Variants in MYPN observed in about 807,000 individuals in gnomAD.
MYPN encodes sarcomeric protein myopalladin, 145 kDa (MYOP).
MYPN carries 63 observed loss-of-function variants against 129.4 expected under a neutral mutation model. The observed-to-expected ratio is 0.49, with a 90% CI of 0.40 to 0.60. The LOEUF is 0.60. MYPN is among the 20% of genes least tolerant of loss of function. MYPN has a pLI of 0.00. For synonymous variants in MYPN, 629 were observed against 600.9 expected (o/e 1.05, Z -0.68); for missense variants, 1,596 against 1,635.4 (o/e 0.98, Z 0.42).
chr10:68,199,528 C>T lies in MYPN; in HGVS notation c.3446C>T (p.Thr1149Ile). 1 of 1,614,142 alleles carries T rather than the reference C, an allele frequency of 6.2e-7. No homozygotes were observed. Among genetic ancestry groups the T allele is most frequent in the Non-Finnish European group, 8.5e-7 (1 of 1,180,024 alleles). Reference protein sequence around the residue: ...RDAGTYKCIATNKTGQNSFSL... With the variant: ...RDAGTYKCIAINKTGQNSFSL... ...GCAGGGACCTATAAGTGCATCGCTA[C>T]CAACAAAACCGGGCAGAATTCTTTT... The change falls in exon 17 of 20, where the codon ACC becomes ATC. Residue 1149 changes from threonine to isoleucine, a missense_variant. Transcript: ENST00000358913.
intron 16 of MYPN, among the ~76,000 whole-genome samples, chr10:68,197,787 G>A (rs1003224850): frequency 3.9e-5 from 6 of 152,058 alleles, no homozygotes; most frequent in Non-Finnish European, 8.8e-5. Context: ...TGAGGGGCCC[G>A]CGTTCCAAGC....
intron 2 of MYPN, among the ~76,000 whole-genome samples, chr10:68,128,481 G>GA (rs1379198862): frequency 1.3e-5 from 2 of 151,906 alleles, no homozygotes; most frequent in Admixed American, 6.6e-5. Context: ...CTACTTTTTG[G>GA]AAAAATCTAG....
chr10:68,174,610 A>G lies in MYPN; in HGVS notation c.2518A>G (p.Ile840Val), dbSNP rs1199469776. Reference sequence around the variant, plus strand: ...CTCTGTTCTGCCTTCTCTCCCTGCCATCCCACCCACAAATGCCATGGGGCT... The same window carrying G: ...CTCTGTTCTGCCTTCTCTCCCTGCCGTCCCACCCACAAATGCCATGGGGCT... ...LSSVLPSLPA[I>V]PPTNAMGLPR... Residue 840 changes from isoleucine (I) to valine (V), a missense_variant, in exon 11 of 20, where the codon ATC (isoleucine) becomes GTC (valine). Physicochemically the swap from Ile to Val is conservative, Grantham distance 29. Coordinates refer to ENST00000358913, the MANE Select transcript of MYPN (RefSeq NM_032578.4). 2 of 1,614,058 alleles carry G rather than the reference A, an allele frequency of 1.2e-6. No individual in the cohort carries two copies. Among genetic ancestry groups the G allele is most frequent in the Middle Eastern group, 1.6e-4 (1 of 6,084 alleles).
At chr10:68,209,952 C>G (rs933902593) in intron 19 of MYPN, among the ~76,000 whole-genome samples, 2 of 152,110 alleles carry the variant, frequency 1.3e-5, no homozygotes, top group African/African-American at 2.4e-5. Flanking sequence ...TTCAGCCTCC[C>G]AAAGTGCTGG....
intron 10 of MYPN, among the ~76,000 whole-genome samples, chr10:68,169,138 G>A (rs2043101863): frequency 1.4e-5 from 2 of 141,346 alleles, no homozygotes; most frequent in Non-Finnish European, 1.5e-5. Context: ...GAGTTCAGGA[G>A]ATCGAGACCA....
At chr10:68,088,688 G>A (rs983233546) in intron 1 of MYPN, among the ~76,000 whole-genome samples, 5 of 152,220 alleles carry the variant, frequency 3.3e-5, no homozygotes, top group African/African-American at 1.2e-4. Context: ...GTTTCTCACA[G>A]GGTTAATCTG....
chr10:68,111,003 G>A (rs1222359790), intron 1 of MYPN, among the ~76,000 whole-genome samples: 1 of 152,112 alleles, frequency 6.6e-6, no homozygotes, highest in Admixed American at 6.6e-5. Flanking sequence ...TATGGCTAAT[G>A]CTACTGGAAC....
At chr10:68,179,777 C>T (rs1164045453) in intron 12 of MYPN, among the ~76,000 whole-genome samples, 1 of 152,132 alleles carries the variant, frequency 6.6e-6, no homozygotes, top group Non-Finnish European at 1.5e-5. Flanking sequence ...CCTCCCACCT[C>T]AGCCCTACCC....
Position 68,195,521 on chromosome 10 carries a change from T to A in MYPN, c.3147T>A (p.Gly1049=). The A allele has an allele frequency of 6.2e-7, 1 of 1,614,028 alleles. No homozygotes were observed. Among genetic ancestry groups the A allele is most frequent in the Non-Finnish European group, 8.5e-7 (1 of 1,179,896 alleles). Residue 1049 remains glycine, a synonymous_variant, in exon 15 of 20, where the codon GGT becomes GGA. Coordinates refer to ENST00000358913, the MANE Select transcript of MYPN (RefSeq NM_032578.4). ...TTCGCAGTCGGCTAACCTCTGCTGGTCAGTCTCACAGGTAAAGACAGTAAG... is the reference window on the plus strand; with the variant it reads ...TTCGCAGTCGGCTAACCTCTGCTGGACAGTCTCACAGGTAAAGACAGTAAG... ...LPIRSRLTSA[G]QSHRGRSRVQ...
chr10:68,175,687 C>T (rs182759428), intron 12 of MYPN, among the ~76,000 whole-genome samples: 29 of 152,090 alleles, frequency 1.9e-4, no homozygotes, highest in Non-Finnish European at 3.1e-4. Context: ...ATGTATTTAC[C>T]CAGAATAGGA....
intron 6 of MYPN, among the ~76,000 whole-genome samples, chr10:68,151,435 G>A (rs1336035322): frequency 1.3e-5 from 2 of 152,206 alleles, no homozygotes; most frequent in Non-Finnish European, 2.9e-5. Flanking sequence ...TCTTGAAGTA[G>A]GAGAGCAACA....
At chr10:68,183,282 G>A (rs568068626) in intron 12 of MYPN, among the ~76,000 whole-genome samples, 3 of 152,150 alleles carry the variant, frequency 2.0e-5, no homozygotes, top group East Asian at 1.9e-4. Flanking sequence ...ACAACATGGC[G>A]AAACCCCATC....
intron 2 of MYPN, among the ~76,000 whole-genome samples, chr10:68,141,831 C>G (rs538851679): frequency 1.3e-5 from 2 of 152,250 alleles, no homozygotes; most frequent in South Asian, 4.2e-4. Context: ...AAGGCTAGCA[C>G]CCTATATGCA....
intron 1 of MYPN, among the ~76,000 whole-genome samples, chr10:68,088,512 G>T (rs557007758): frequency 1.3e-5 from 2 of 152,230 alleles, no homozygotes; most frequent in South Asian, 2.1e-4. Flanking sequence ...AGATTTTTAC[G>T]TTGCACATGA....
At position 68,210,359 on chromosome 10, in the gene MYPN, T is replaced by C. The variant is rs1267200987; in HGVS notation, c.3867T>C (p.Ser1289=). 2 of 1,614,152 alleles carry C rather than the reference T, an allele frequency of 1.2e-6. No individual in the cohort carries two copies. Among genetic ancestry groups the C allele is most frequent in the East Asian group, 4.5e-5 (2 of 44,882 alleles). The change falls in exon 20 of 20, where the codon AGT becomes AGC. Residue 1289 remains serine (S), a synonymous_variant. Coordinates refer to ENST00000358913, the MANE Select transcript of MYPN (RefSeq NM_032578.4). ...GCAGTCGCTACGGATCTCTCACCAGTAAAGGACTTGACATATTTTCTGCCT... is the reference window on the plus strand; with the variant it reads ...GCAGTCGCTACGGATCTCTCACCAGCAAAGGACTTGACATATTTTCTGCCT... The part of the protein sequence containing the change: ...PSGSRYGSLT[S]KGLDIFSAFS...
chr10:68,096,036 T>C (rs1426155189), intron 1 of MYPN, among the ~76,000 whole-genome samples: 2 of 152,200 alleles, frequency 1.3e-5, no homozygotes, highest in Non-Finnish European at 2.9e-5. Context: ...AGAATAGAAT[T>C]ATGCTAAGAT....
chr10:68,210,662 A>G lies in MYPN; in HGVS notation c.*207A>G. 1 of 679,286 alleles carries G rather than the reference A, an allele frequency of 1.5e-6. No individual in the cohort carries two copies. Among genetic ancestry groups the G allele is most frequent in the Non-Finnish European group, 2.7e-6 (1 of 372,820 alleles). The allele number at this position is 679,286 out of a possible 1,614,324, so 42.1% of individuals were successfully genotyped here. ...AGGGCTGTGCCTTCTAAAGATTCCAACAGAGATGTGAGAAGATAATACAGA... is the reference window on the plus strand; with the variant it reads ...AGGGCTGTGCCTTCTAAAGATTCCAGCAGAGATGTGAGAAGATAATACAGA... On this transcript the variant is annotated 3_prime_UTR_variant, in exon 20 of 20. Transcript: ENST00000358913.
intron 4 of MYPN, among the ~76,000 whole-genome samples, chr10:68,147,363 G>A (rs1214327493): frequency 1.3e-5 from 2 of 152,082 alleles, no homozygotes; most frequent in Non-Finnish European, 2.9e-5. Flanking sequence ...CGCCATATTG[G>A]CCAGGCTGGT....
chr10:68,152,161 G>A (rs567595409), intron 6 of MYPN, among the ~76,000 whole-genome samples: 2 of 152,276 alleles, frequency 1.3e-5, no homozygotes, highest in South Asian at 4.2e-4. Context: ...TTAGGATAAG[G>A]GGTTGTAGAG....
Sources: allele counts gnomAD v4.1 joint callset (sites outside exome capture counted in the v4.1 genomes callset), GRCh38; gene constraint gnomAD v4.1.1; transcripts MANE v1.5; gene names NCBI Gene and HGNC (gene_info 2026-07-23, HGNC 2026-07-21).